Variants in SLC22A25 observed in about 807,000 individuals in gnomAD.
SLC22A25 encodes MGI:2442751, MGI:2385316, MGI:3042283, MGI:3645714, MGI:3605624, MGI:2442750.
A neutral mutation model predicts 45.9 loss-of-function variants in SLC22A25; 44 were observed. The ratio of observed to expected loss-of-function variants is 0.96; its 90% CI spans 0.75 to 1.23. The LOEUF is 1.23. SLC22A25 is among the 50% of genes most tolerant of loss of function. SLC22A25 has a pLI of 0.00. For synonymous variants in SLC22A25, 283 were observed against 238.6 expected (o/e 1.19, Z -1.72); for missense variants, 800 against 666.4 (o/e 1.20, Z -2.21).
chr11:63,235,224 T>C (rs1445360556), intron 3 of SLC22A25, among the ~76,000 whole-genome samples: 1 of 152,226 alleles, frequency 6.6e-6, no homozygotes, highest in Non-Finnish European at 1.5e-5. Context: ...TCCTGGATAA[T>C]TTCCTGCAGA....
At chr11:63,172,653 CT>C (rs141999401) in intron 9 of SLC22A25, among the ~76,000 whole-genome samples, 46,085 of 140,286 alleles carry the variant, frequency 0.33, 7,638 homozygotes, top group Middle Eastern at 0.44. Context: ...CACAGGATAC[CT>C]TTTTTTTTTT....
intron 3 of SLC22A25, among the ~76,000 whole-genome samples, chr11:63,232,509 G>T (rs1001221133): frequency 6.6e-6 from 1 of 152,004 alleles, no homozygotes; most frequent in African/African-American, 2.4e-5. Flanking sequence ...GCTGAAATTG[G>T]TTATCAGCTT....
rs756946150 is a variant in SLC22A25, at chr11:63,217,724, T to A, written c.518A>T (p.Lys173Met). The change falls in exon 6 of 12, where the codon AAG becomes ATG. Residue 173 changes from lysine (K) to methionine (M), a missense_variant. Physicochemically the swap from Lys to Met is moderately conservative, Grantham distance 95 (BLOSUM62 -1). Transcript: ENST00000306494. ...YGHLSDRFGRKFVLRWSYLQL... is the reference protein window; with the variant it reads ...YGHLSDRFGRMFVLRWSYLQL... The stretch of plus-strand genomic sequence containing the variant: ...GAGGTAAGACCATCTGAGCACGAAC[T>A]TTCTCCCAAACCTGAGAAACAGGGG... 2 of 1,606,850 alleles carry A rather than the reference T, an allele frequency of 1.2e-6. No individual in the cohort carries two copies. Among genetic ancestry groups the A allele is most frequent in the South Asian group, 1.1e-5 (1 of 89,250 alleles).
chr11:63,208,992 A>G (rs551466808), intron 7 of SLC22A25, among the ~76,000 whole-genome samples: 1 of 152,300 alleles, frequency 6.6e-6, no homozygotes, highest in African/African-American at 2.4e-5. Context: ...TAAAGTATTT[A>G]AAAAAAGGAT....
At chr11:63,188,773 A>T (rs1475173896) in intron 7 of SLC22A25, among the ~76,000 whole-genome samples, 2 of 152,172 alleles carry the variant, frequency 1.3e-5, no homozygotes, top group South Asian at 2.1e-4. Context: ...TTCAAAGAAC[A>T]TCTTTATTTC....
At chr11:63,178,456 C>A (rs185395557) in intron 9 of SLC22A25, among the ~76,000 whole-genome samples, 1 of 148,882 alleles carries the variant, frequency 6.7e-6, no homozygotes, top group East Asian at 2.0e-4. Flanking sequence ...ACATCCCCCT[C>A]TATATGCATC....
chr11:63,181,553 TTATGTTTC>T (rs765394844), intron 8 of SLC22A25, among the ~76,000 whole-genome samples: 25 of 152,124 alleles, frequency 1.6e-4, no homozygotes, highest in South Asian at 6.2e-4. Context: ...AAACTAACCC[TTATGTTTC>T]TGTGAAGAAC....
rs193135920 is a variant in SLC22A25, at chr11:63,227,894, G to A, written c.506+567C>T. 7.9e-3 allele frequency among the ~76,000 whole-genome samples: 1,209 copies of A among 152,306 alleles called. 62 individuals are homozygous for A. The highest frequency in any genetic ancestry group is 0.074 in the Admixed American group (1,133 of 15,290). ...TGCTTCCTTCATGAGTGCTGGCTGA[G>A]TTCTGCCCTGTGTTGGCAGCACTGA... On this transcript the variant is annotated intron_variant, in intron 5 of 11. Coordinates refer to ENST00000306494, the MANE Select transcript of SLC22A25 (RefSeq NM_199352.6).
chr11:63,186,872 T>A (rs2088573699), intron 7 of SLC22A25, among the ~76,000 whole-genome samples: 2 of 152,154 alleles, frequency 1.3e-5, no homozygotes, highest in African/African-American at 2.4e-5. Context: ...TGGCATTATT[T>A]CTGAGGGCTC....
At chr11:63,187,773 A>G (rs924003033) in intron 7 of SLC22A25, among the ~76,000 whole-genome samples, 3 of 152,204 alleles carry the variant, frequency 2.0e-5, no homozygotes, top group African/African-American at 7.2e-5. Context: ...GAATTTTATC[A>G]AAGGCCGTTT....
At chr11:63,219,861 C>G in intron 5 of SLC22A25, 1 of 1,226,708 alleles carries the variant, frequency 8.2e-7, no homozygotes, top group Non-Finnish European at 1.1e-6. Context: ...TGTTGGAAAT[C>G]AACCCTCTGA....
intron 7 of SLC22A25, among the ~76,000 whole-genome samples, chr11:63,185,634 C>T (rs1047219386): frequency 4.0e-5 from 6 of 148,806 alleles, no homozygotes; most frequent in East Asian, 2.0e-4. Flanking sequence ...TGCTGGTGCG[C>T]TGCACCCACT....
intron 7 of SLC22A25, among the ~76,000 whole-genome samples, chr11:63,193,491 AG>A (rs1273279912): frequency 6.6e-6 from 1 of 152,266 alleles, no homozygotes; most frequent in Non-Finnish European, 1.5e-5. Context: ...GCTGTTCTGC[AG>A]CCTCTGCTGG....
rs145094087 is a variant in SLC22A25, at chr11:63,217,278, A to AT, written c.830+35dup. The AT allele has an allele frequency of 1.1e-3, 1,832 of 1,601,234 alleles. 19 individuals carry two copies. In the African/African-American group the frequency reaches 0.022, roughly 19 times the overall value. On this transcript the variant is annotated intron_variant, in intron 7 of 11. Transcript: ENST00000306494. ...ATTCCATGTACATCTGCATTCAAGG[A>AT]TGTCATATGGCAAAAGAAGAATGCA...
intron 3 of SLC22A25, among the ~76,000 whole-genome samples, chr11:63,234,953 T>C (rs138910200): frequency 7.2e-5 from 11 of 152,362 alleles, no homozygotes; most frequent in African/African-American, 2.6e-4. Flanking sequence ...TTGAAGAATG[T>C]CGAATATTGG....
chr11:63,204,808 A>C (rs1003852086), intron 7 of SLC22A25, among the ~76,000 whole-genome samples: 4 of 152,106 alleles, frequency 2.6e-5, no homozygotes, highest in Non-Finnish European at 5.9e-5. Flanking sequence ...GCACCAAGCC[A>C]ACCTAATAGA....
chr11:63,184,473 T>C (rs757424328), intron 7 of SLC22A25, among the ~76,000 whole-genome samples: 14 of 152,156 alleles, frequency 9.2e-5, no homozygotes, highest in Admixed American at 3.3e-4. Flanking sequence ...CTTCCTCCAC[T>C]GAACTGATTT....
intron 7 of SLC22A25, among the ~76,000 whole-genome samples, chr11:63,195,513 A>C (rs2088989579): frequency 6.6e-6 from 1 of 152,258 alleles, no homozygotes; most frequent in South Asian, 2.1e-4. Flanking sequence ...TACCGAGTAC[A>C]TAACAAAATG....
chr11:63,229,659 T>C lies in SLC22A25; in HGVS notation c.-7A>G. 6.3e-7 allele frequency: 1 copy of C among 1,596,562 alleles called. No individual in the cohort carries two copies. Among genetic ancestry groups the C allele is most frequent in the South Asian group, 1.1e-5 (1 of 90,522 alleles). The stretch of plus-strand genomic sequence containing the variant: ...GGAGGTCCTGAAAGGCCATTGAGGC[T>C]GGACAAGTGATCCCCAAGAGGAGAC... On this transcript the variant is annotated 5_prime_UTR_variant, in exon 4 of 12. Coordinates refer to ENST00000306494, the MANE Select transcript of SLC22A25 (RefSeq NM_199352.6).
Sources: allele counts gnomAD v4.1 joint callset (sites outside exome capture counted in the v4.1 genomes callset), GRCh38; gene constraint gnomAD v4.1.1; transcripts MANE v1.5; gene names NCBI Gene and HGNC (gene_info 2026-07-23, HGNC 2026-07-21).